Variants in TBCD observed in about 807,000 individuals in gnomAD.
TBCD encodes tubulin folding cofactor D.
TBCD carries 105 observed loss-of-function variants against 169.3 expected under a neutral mutation model. That is an observed-to-expected ratio of 0.62 (90% CI 0.53 to 0.73). The LOEUF (loss-of-function observed/expected upper bound fraction) is 0.73. Among genes scored for constraint, TBCD ranks in the 30% least tolerant of loss-of-function variants. The probability of loss-of-function intolerance (pLI) is 0.00; values close to 1 mark genes in which losing one functional copy is unlikely to be tolerated. For synonymous variants in TBCD, 700 were observed against 643.9 expected (o/e 1.09, Z -1.32); for missense variants, 1,444 against 1,600.1 (o/e 0.90, Z 1.66).
intron 14 of TBCD, among the ~76,000 whole-genome samples, chr17:82,878,881 T>C (rs970644754): frequency 6.6e-6 from 1 of 152,148 alleles, no homozygotes; most frequent in Non-Finnish European, 1.5e-5. Context: ...CATCATTCGC[T>C]CCTGCCAGTG....
At chr17:82,891,268 A>G (rs1316868521) in intron 16 of TBCD, among the ~76,000 whole-genome samples, 4 of 152,200 alleles carry the variant, frequency 2.6e-5, no homozygotes, top group Non-Finnish European at 5.9e-5. Flanking sequence ...ATTGACAGGG[A>G]AAGGAAAGGC....
chr17:82,917,780 A>G (rs1050647406), intron 23 of TBCD, among the ~76,000 whole-genome samples: 1 of 151,614 alleles, frequency 6.6e-6, no homozygotes, highest in Admixed American at 6.6e-5. Context: ...GTCATCCTGG[A>G]CTCCCGTTCT....
At chr17:82,764,092 CAGAT>C (rs2047906357) in intron 3 of TBCD, 30 bp downstream of exon 3, 1 of 1,545,202 alleles carries the variant, frequency 6.5e-7, no homozygotes, top group African/African-American at 1.4e-5. Flanking sequence ...TCAGAGTTGA[CAGAT>C]ACTTTTGTAA....
intron 18 of TBCD, among the ~76,000 whole-genome samples, chr17:82,902,334 G>A (rs2059947368): frequency 6.6e-6 from 1 of 152,190 alleles, no homozygotes; most frequent in African/African-American, 2.4e-5. Context: ...TGTAACCCTT[G>A]AAAAATGTGA....
At chr17:82,912,127 C>A (rs2060687271) in intron 23 of TBCD, among the ~76,000 whole-genome samples, 3 of 152,256 alleles carry the variant, frequency 2.0e-5, no homozygotes, top group Admixed American at 2.0e-4. Flanking sequence ...TTGCAGATCC[C>A]TCCGAGCACG....
rs140984417 is a variant in TBCD at position 82,776,971 on chromosome 17, G to A, written c.638+4464G>A. 1.1e-4 allele frequency among the ~76,000 whole-genome samples: 17 copies of A among 152,252 alleles called. No individual in the cohort carries two copies. In the East Asian group the frequency reaches 2.9e-3, roughly 26 times the overall value. Reference sequence around the variant, plus strand: ...GTGACCTGACTCTGCGTGTCTGTGGGCTCCTTGGGGCCTTTTCTTCCCCAC... The same window carrying A: ...GTGACCTGACTCTGCGTGTCTGTGGACTCCTTGGGGCCTTTTCTTCCCCAC... On this transcript the variant is annotated intron_variant, in intron 6 of 38. Coordinates refer to ENST00000355528, the MANE Select transcript of TBCD (RefSeq NM_005993.5).
intron 12 of TBCD, among the ~76,000 whole-genome samples, 159 bp downstream of exon 12, chr17:82,809,941 T>G (rs2051304207): frequency 6.6e-6 from 1 of 152,234 alleles, no homozygotes; most frequent in Non-Finnish European, 1.5e-5. Flanking sequence ...GAACTCTTGT[T>G]ATTTCTGGTA....
chr17:82,854,079 A>G (rs1385099813), intron 13 of TBCD, among the ~76,000 whole-genome samples: 1 of 152,184 alleles, frequency 6.6e-6, no homozygotes, highest in African/African-American at 2.4e-5. Flanking sequence ...CCCTCCAAGT[A>G]ACACACAGCA....
intron 17 of TBCD, among the ~76,000 whole-genome samples, chr17:82,899,198 G>A (rs557597208): frequency 4.4e-4 from 60 of 135,856 alleles, no homozygotes; most frequent in African/African-American, 1.5e-3. Flanking sequence ...TCCTCAGCGC[G>A]TGTCCGCAGT....
intron 15 of TBCD, among the ~76,000 whole-genome samples, chr17:82,887,156 TGTGTGTGTGTGTGCGCGCGCGC>T (rs1288774650): frequency 2.8e-4 from 30 of 108,808 alleles, no homozygotes; most frequent in African/African-American, 1.2e-3. Flanking sequence ...TGTGTGTGTG[TGTGTGTGTGTGTGCGCGCGCGC>T]GCACGTGCGC....
At chr17:82,936,866 C>T (rs922470936) in intron 34 of TBCD, among the ~76,000 whole-genome samples, 1 of 152,258 alleles carries the variant, frequency 6.6e-6, no homozygotes, top group African/African-American at 2.4e-5. Context: ...CCTTGTGTGT[C>T]CTCTGTGTGT....
chr17:82,805,633 G>C (rs904332937), intron 9 of TBCD, among the ~76,000 whole-genome samples: 9 of 152,154 alleles, frequency 5.9e-5, no homozygotes, highest in African/African-American at 2.2e-4. Flanking sequence ...CCTAATCAAA[G>C]CTGGACACTA....
intron 2 of TBCD, among the ~76,000 whole-genome samples, chr17:82,757,136 G>T (rs920904408): frequency 6.6e-6 from 1 of 152,220 alleles, no homozygotes; most frequent in African/African-American, 2.4e-5. Context: ...AGCACCCTGG[G>T]TGGGGGCACC....
chr17:82,851,663 A>G (rs1050403052), intron 13 of TBCD, among the ~76,000 whole-genome samples: 6 of 152,194 alleles, frequency 3.9e-5, no homozygotes, highest in Non-Finnish European at 8.8e-5. Context: ...AAGGAGGTGG[A>G]AGACAAAGAT....
intron 13 of TBCD, among the ~76,000 whole-genome samples, chr17:82,851,253 AG>A (rs1226841032): frequency 1.2e-4 from 1 of 8,020 alleles, no homozygotes; most frequent in African/African-American, 1.3e-4. Context: ...GTCAAGTCTC[AG>A]GAGGTTTTAA....
intron 23 of TBCD, among the ~76,000 whole-genome samples, chr17:82,919,282 T>C (rs2061271993): frequency 6.6e-6 from 1 of 152,114 alleles, no homozygotes; most frequent in Non-Finnish European, 1.5e-5. Context: ...TTTCTTTTTG[T>C]TTCCCCCCTC....
chr17:82,843,048 A>G (rs145497895), intron 13 of TBCD, among the ~76,000 whole-genome samples: 23,346 of 151,964 alleles, frequency 0.15, 2,024 homozygotes, highest in Admixed American at 0.22. Context: ...CCAAAGTGCT[A>G]GGATTACAGG....
At chr17:82,934,105 CCCAGG>C (rs2062432419) in intron 34 of TBCD, among the ~76,000 whole-genome samples, 1 of 152,220 alleles carries the variant, frequency 6.6e-6, no homozygotes, top group African/African-American at 2.4e-5. Context: ...TACTGGCTGA[CCCAGG>C]CCCAGGTTAG....
chr17:82,820,526 T>A (rs548773458), intron 13 of TBCD, among the ~76,000 whole-genome samples: 27 of 151,740 alleles, frequency 1.8e-4, no homozygotes, highest in Non-Finnish European at 3.4e-4. Flanking sequence ...ACTCGGGTAG[T>A]TTTCAGTCAT....
Sources: gnomAD v4.1 joint callset for allele counts (sites outside exome capture counted in the v4.1 genomes callset) on GRCh38, gnomAD v4.1.1 for gene constraint, MANE v1.5 for transcripts, NCBI Gene and HGNC (gene_info 2026-07-23, HGNC 2026-07-21) for gene names.